KLHDC1: variants seen among roughly 807,000 people sequenced by gnomAD.
The protein encoded by KLHDC1 is kelch domain containing 1.
A neutral mutation model predicts 68.3 loss-of-function variants in KLHDC1; 53 were observed. The observed-to-expected ratio is 0.78, with a 90% CI of 0.62 to 0.98. The LOEUF (loss-of-function observed/expected upper bound fraction) is 0.98, where lower values mean the gene tolerates loss of function less well. KLHDC1 is among the 50% of genes least tolerant of loss of function. The pLI is 0.00. For missense variants in KLHDC1, 470 were observed against 492.3 expected, an observed-to-expected ratio of 0.95 and a Z score of 0.43; for synonymous variants, 148 against 159.0, an observed-to-expected ratio of 0.93 and a Z score of 0.52.
At chr14:49,745,590 G>T (rs1188480220) in intron 12 of KLHDC1, among the ~76,000 whole-genome samples, 2 of 152,212 alleles carry the variant, frequency 1.3e-5, no homozygotes, top group Non-Finnish European at 2.9e-5. Flanking sequence ...GGAGAAGAAG[G>T]CCTTTTGTCT....
chr14:49,733,723 T>C (rs1251102281), intron 9 of KLHDC1, among the ~76,000 whole-genome samples: 1 of 152,204 alleles, frequency 6.6e-6, no homozygotes, highest in Non-Finnish European at 1.5e-5. Flanking sequence ...ACCTGGCCAT[T>C]TTCTGTTTTC....
At position 49,751,964 on chromosome 14, in the gene KLHDC1, C is replaced by T; in HGVS notation, c.*192C>T. ...ATGCAGATTAATTTATATTTGTAAA[C>T]AAATTTCCTTACAAACTGCAGAACA... On this transcript the variant is annotated 3_prime_UTR_variant, in exon 13 of 13. Transcript: ENST00000359332. 1 of 319,864 alleles carries T rather than the reference C, an allele frequency of 3.1e-6. No homozygotes were observed. The highest frequency in any genetic ancestry group is 2.1e-5 in the African/African-American group (1 of 46,860). The allele number at this position is 319,864 out of a possible 1,614,324, so 19.8% of individuals were successfully genotyped here.
chr14:49,695,869 C>A (rs1887725906), intron 1 of KLHDC1, among the ~76,000 whole-genome samples: 1 of 152,090 alleles, frequency 6.6e-6, no homozygotes, highest in East Asian at 1.9e-4. Context: ...TCAAGACCAT[C>A]CTGGCTAACA....
chr14:49,748,135 G>T (rs539968953), intron 12 of KLHDC1, among the ~76,000 whole-genome samples: 1 of 152,158 alleles, frequency 6.6e-6, no homozygotes, highest in African/African-American at 2.4e-5. Flanking sequence ...CCTGAGCAAG[G>T]TCATAAAGAA....
At chr14:49,693,449 C>G (rs914925431) in intron 1 of KLHDC1, among the ~76,000 whole-genome samples, 159 bp downstream of exon 1, 5 of 151,872 alleles carry the variant, frequency 3.3e-5, no homozygotes, top group African/African-American at 1.2e-4. Flanking sequence ...GCCCCCACAG[C>G]CGCGCCAGGG....
chr14:49,733,765 T>G (rs1254342565), intron 9 of KLHDC1, among the ~76,000 whole-genome samples: 1 of 152,166 alleles, frequency 6.6e-6, no homozygotes, highest in African/African-American at 2.4e-5. Flanking sequence ...GCTAGAGATG[T>G]TTTCATTAAG....
chr14:49,710,463 GTA>G lies in KLHDC1; in HGVS notation c.404+84_404+85del, dbSNP rs1408997865. ...TGGCTAAAATACAGAATGCTTAAAG[GTA>G]TGAGTTTTTTTCAGGATTGCAATTG... On this transcript the variant is annotated intron_variant, in intron 4 of 12. Transcript: ENST00000359332. 6 of 723,926 alleles carry G rather than the reference GTA, an allele frequency of 8.3e-6. No individual in the cohort carries two copies. In the Middle Eastern group the frequency reaches 1.0e-3, roughly 121 times the overall value. 44.8% of individuals were successfully genotyped at this position (723,926 alleles called of 1,614,324 possible). A position where few individuals can be genotyped will look rare whatever the true frequency, so the allele number is the denominator to read the frequency against.
rs745362111 is a variant in KLHDC1 at position 49,700,112 on chromosome 14, C to T, written c.96+6822C>T. On this transcript the variant is annotated intron_variant, in intron 1 of 12. Transcript: ENST00000359332. ...CGCGATCTCGGCTCACTGCAACCTC[C>T]GCCTCCCAGGTTCAACCAATTCTCC... The T allele has an allele frequency of 2.4e-5, 7 of 296,604 alleles. No homozygotes were observed. In the East Asian group the frequency reaches 5.7e-4, roughly 24 times the overall value. 18.4% of individuals were successfully genotyped at this position (296,604 alleles called of 1,614,324 possible). A position where few individuals can be genotyped will look rare whatever the true frequency, so the allele number is the denominator to read the frequency against.
intron 1 of KLHDC1, among the ~76,000 whole-genome samples, chr14:49,693,742 C>CTTTTTT (rs1566589138): frequency 6.6e-5 from 4 of 60,916 alleles, no homozygotes; most frequent in African/African-American, 1.6e-4. Flanking sequence ...ATTTTCTTTT[C>CTTTTTT]TTTTTCTTTT....
intron 1 of KLHDC1, among the ~76,000 whole-genome samples, chr14:49,701,371 G>A (rs535189568): frequency 3.4e-4 from 51 of 151,932 alleles, no homozygotes; most frequent in African/African-American, 1.2e-3. Flanking sequence ...CTAAAAAACT[G>A]ATTTTTGGCC....
chr14:49,711,326 C>T (rs184240697), intron 4 of KLHDC1, among the ~76,000 whole-genome samples: 1,933 of 152,154 alleles, frequency 0.013, 22 homozygotes, highest in Non-Finnish European at 0.021. Context: ...CTCAGCCTCC[C>T]GAGTAGCTGG....
At chr14:49,733,122 G>A (rs777129258) in intron 9 of KLHDC1, among the ~76,000 whole-genome samples, 4 of 152,156 alleles carry the variant, frequency 2.6e-5, no homozygotes, top group Non-Finnish European at 5.9e-5. Flanking sequence ...GTACTGTAGG[G>A]TAGGATGCTT....
intron 12 of KLHDC1, among the ~76,000 whole-genome samples, chr14:49,748,401 A>G (rs998900502): frequency 2.6e-5 from 4 of 152,198 alleles, no homozygotes; most frequent in African/African-American, 7.2e-5. Flanking sequence ...CAATTTTCTT[A>G]GATTTCAGAA....
chr14:49,694,719 T>C lies in KLHDC1; in HGVS notation c.96+1429T>C, dbSNP rs779913574. Reference sequence around the variant, plus strand: ...AAACACAAAAATTAGCCGGACATGGTGGCGGATGCTTGTAATCCCAGCTAC... The same window carrying C: ...AAACACAAAAATTAGCCGGACATGGCGGCGGATGCTTGTAATCCCAGCTAC... On this transcript the variant is annotated intron_variant, in intron 1 of 12. Coordinates refer to ENST00000359332, the MANE Select transcript of KLHDC1 (RefSeq NM_172193.3). Among the ~76,000 whole-genome samples, 56 of 152,186 alleles carry C rather than the reference T, an allele frequency of 3.7e-4. 1 individual carries two copies. The highest frequency in any genetic ancestry group is 3.3e-3 in the South Asian group (16 of 4,822).
At chr14:49,747,047 C>T (rs896430231) in intron 12 of KLHDC1, among the ~76,000 whole-genome samples, 6 of 151,364 alleles carry the variant, frequency 4.0e-5, no homozygotes, top group South Asian at 2.1e-4. Context: ...CCCGGGTTCA[C>T]GCCATTCTCC....
chr14:49,725,941 G>C (rs1045923616), intron 6 of KLHDC1, among the ~76,000 whole-genome samples, 172 bp downstream of exon 6: 1 of 151,986 alleles, frequency 6.6e-6, no homozygotes, highest in African/African-American at 2.4e-5. Flanking sequence ...TCCGCCTCCC[G>C]GGTTCAGGTG....
In KLHDC1 at chr14:49,751,567, T is replaced by G; in HGVS notation, c.1035-19T>G. ...ACCTCAGGTTCAAGACTAATAATTC[T>G]GTTATGTTTTATTTACAGGTCATGC... On this transcript the variant is annotated intron_variant, in intron 12 of 12. Transcript: ENST00000359332. The G allele has an allele frequency of 1.5e-6, 2 of 1,303,618 alleles. No individual in the cohort carries two copies. Among genetic ancestry groups the G allele is most frequent in the Non-Finnish European group, 2.1e-6 (2 of 961,596 alleles). The allele number at this position is 1,303,618 out of a possible 1,614,324, so 80.8% of individuals were successfully genotyped here.
At chr14:49,727,942 C>G (rs1037337221) in intron 6 of KLHDC1, among the ~76,000 whole-genome samples, 1 of 152,152 alleles carries the variant, frequency 6.6e-6, no homozygotes, top group Admixed American at 6.6e-5. Flanking sequence ...AGGCACCCAC[C>G]ATGAAAATAT....
Position 49,709,741 on chromosome 14 carries a change from C to T in KLHDC1, c.200C>T (p.Ala67Val), listed in dbSNP as rs1888149814. 6.2e-7 allele frequency: 1 copy of T among 1,601,802 alleles called. No homozygotes were observed. The highest frequency in any genetic ancestry group is 1.4e-5 in the African/African-American group (1 of 73,868). Residue 67 changes from alanine (A) to valine (V), a missense_variant, in exon 3 of 13, where the codon GCC (alanine) becomes GTC (valine). Transcript: ENST00000359332. ...RMHLMEGELP[A>V]SMSGSCGACI... Reference sequence around the variant, plus strand: ...CACCTCATGGAAGGAGAACTCCCAGCCTCCATGTCAGGAAGCTGTGGTGCT... The same window carrying T: ...CACCTCATGGAAGGAGAACTCCCAGTCTCCATGTCAGGAAGCTGTGGTGCT...
Sources: allele counts gnomAD v4.1 joint callset (sites outside exome capture counted in the v4.1 genomes callset), GRCh38; gene constraint gnomAD v4.1.1; transcripts MANE v1.5; gene names NCBI Gene and HGNC (gene_info 2026-07-23, HGNC 2026-07-21).